Variants in ATP10B observed in about 807,000 individuals in gnomAD.
ATP10B encodes ATPase phospholipid transporting 10B (putative).
A neutral mutation model predicts 141.2 loss-of-function variants in ATP10B; 122 were observed. That is an observed-to-expected ratio of 0.86 (90% CI 0.75 to 1.00). The LOEUF (loss-of-function observed/expected upper bound fraction) is 1.00, where lower values mean the gene tolerates loss of function less well. Among genes scored for constraint, ATP10B ranks in the 50% least tolerant of loss-of-function variants. The pLI is 0.00. For missense variants in ATP10B, 1,876 were observed against 1,825.3 expected (o/e 1.03, Z -0.51); for synonymous variants, 685 against 692.0 (o/e 0.99, Z 0.16).
At chr5:160,624,927 T>C (rs7725004) in intron 13 of ATP10B, among the ~76,000 whole-genome samples, 121,439 of 152,182 alleles carry the variant, frequency 0.8, 48,644 homozygotes, top group East Asian at 0.84. Flanking sequence ...AGGGACCATC[T>C]AGTGTTTGTC....
At chr5:160,844,133 G>T (rs1212068549) in intron 1 of ATP10B, among the ~76,000 whole-genome samples, 3 of 152,100 alleles carry the variant, frequency 2.0e-5, no homozygotes, top group Non-Finnish European at 4.4e-5. Context: ...AATTAATTTA[G>T]AAAACTGTTT....
Position 160,743,376 on chromosome 5 carries a change from A to G in ATP10B, c.-330-26342T>C, listed in dbSNP as rs535580244. Among the ~76,000 whole-genome samples the G allele has an allele frequency of 2.6e-5, 4 of 152,314 alleles. No homozygotes were observed. In the South Asian group the frequency reaches 8.3e-4, roughly 32 times the overall value. On this transcript the variant is annotated intron_variant, in intron 2 of 25. Transcript: ENST00000327245. ...AAAAATATAAAGTAAAAAATAAATCATGCCTCTTGAGAAGAGAAAACCTGT... is the reference window on the plus strand; with the variant it reads ...AAAAATATAAAGTAAAAAATAAATCGTGCCTCTTGAGAAGAGAAAACCTGT...
chr5:160,862,424 C>T, the ATP10B span, among the ~76,000 whole-genome samples: 1 of 151,922 alleles, frequency 6.6e-6, no homozygotes, highest in Non-Finnish European at 1.5e-5. Context: ...CTTACCTGGC[C>T]AGTCTCCATA....
chr5:160,900,908 GTTT>G, the ATP10B span, among the ~76,000 whole-genome samples: 29,336 of 88,480 alleles, frequency 0.33, 4,399 homozygotes, highest in East Asian at 0.42. Flanking sequence ...GGGTAGAGAA[GTTT>G]TTTTTTTTTT....
intron 1 of ATP10B, among the ~76,000 whole-genome samples, chr5:160,816,951 AGC>A (rs1207344442): frequency 1.8e-3 from 275 of 152,338 alleles, no homozygotes; most frequent in African/African-American, 6.4e-3. Flanking sequence ...AAAATTCAAC[AGC>A]ACTTCATGCT....
At chr5:160,619,101 G>A (rs183698058) in intron 15 of ATP10B, among the ~76,000 whole-genome samples, 8 of 151,942 alleles carry the variant, frequency 5.3e-5, no homozygotes, top group Admixed American at 2.6e-4. Flanking sequence ...TTTGTGCATC[G>A]CCTGATTCGG....
intron 17 of ATP10B, chr5:160,613,805 G>GAAT (rs1321158644): frequency 8.5e-5 from 13 of 152,166 alleles, no homozygotes; most frequent in South Asian, 2.1e-4. Context: ...TCCAAATATT[G>GAAT]AATAGTTGCT....
At chr5:160,823,216 G>A (rs1054663087) in intron 1 of ATP10B, among the ~76,000 whole-genome samples, 2 of 151,372 alleles carry the variant, frequency 1.3e-5, no homozygotes, top group Admixed American at 6.6e-5. Flanking sequence ...GCCATAAAAA[G>A]GAATGAAATC....
chr5:160,914,118 C>A, the ATP10B span, among the ~76,000 whole-genome samples: 1 of 152,134 alleles, frequency 6.6e-6, no homozygotes, highest in South Asian at 2.1e-4. Context: ...TATATGTCTA[C>A]ATATGTGTGT....
At chr5:160,869,341 T>A in the ATP10B span, among the ~76,000 whole-genome samples, 1 of 152,052 alleles carries the variant, frequency 6.6e-6, no homozygotes, top group African/African-American at 2.4e-5. Flanking sequence ...CTGTCATATA[T>A]CACCCCTACC....
At chr5:160,878,782 G>A in the ATP10B span, among the ~76,000 whole-genome samples, 3 of 151,494 alleles carry the variant, frequency 2.0e-5, no homozygotes, top group South Asian at 4.2e-4. Flanking sequence ...AACACATGAA[G>A]AAATGCTCAT....
At chr5:160,788,954 A>G (rs1375889060) in intron 1 of ATP10B, among the ~76,000 whole-genome samples, 1 of 152,210 alleles carries the variant, frequency 6.6e-6, no homozygotes, top group Non-Finnish European at 1.5e-5. Flanking sequence ...GATACATACA[A>G]AGATGGCTTA....
chr5:160,873,167 C>A, the ATP10B span, among the ~76,000 whole-genome samples: 1 of 141,616 alleles, frequency 7.1e-6, no homozygotes, highest in Non-Finnish European at 1.5e-5. Context: ...AGTTCTTGAT[C>A]TGATTCTCTG....
intron 5 of ATP10B, among the ~76,000 whole-genome samples, chr5:160,686,653 C>T (rs1026783889): frequency 1.3e-5 from 2 of 152,124 alleles, no homozygotes; most frequent in African/African-American, 4.8e-5. Flanking sequence ...GATGATTATT[C>T]TCAGGAATGG....
At chr5:160,790,452 G>A (rs565577889) in intron 1 of ATP10B, among the ~76,000 whole-genome samples, 1 of 152,136 alleles carries the variant, frequency 6.6e-6, no homozygotes, top group Non-Finnish European at 1.5e-5. Flanking sequence ...ACCAAATTCT[G>A]CCTTAAACCT....
At chr5:160,828,763 T>C (rs887739063) in intron 1 of ATP10B, among the ~76,000 whole-genome samples, 8 of 151,788 alleles carry the variant, frequency 5.3e-5, no homozygotes, top group Non-Finnish European at 8.8e-5. Context: ...CACACGTATG[T>C]TTATTGCGGC....
chr5:160,687,610 C>A (rs988815824), intron 5 of ATP10B, among the ~76,000 whole-genome samples, 190 bp downstream of exon 5: 5 of 152,006 alleles, frequency 3.3e-5, no homozygotes, highest in African/African-American at 1.2e-4. Flanking sequence ...CATAAAAGTA[C>A]AAAAATTTGC....
intron 24 of ATP10B, among the ~76,000 whole-genome samples, chr5:160,578,487 A>G (rs1427173408): frequency 6.6e-6 from 1 of 152,160 alleles, no homozygotes; most frequent in Non-Finnish European, 1.5e-5. Context: ...GATGGTTTCC[A>G]GCTTCATCCA....
the ATP10B span, among the ~76,000 whole-genome samples, chr5:160,872,762 G>C: frequency 2.0e-5 from 3 of 152,174 alleles, no homozygotes; most frequent in African/African-American, 7.2e-5. Flanking sequence ...GTATTATGCT[G>C]TTTTGGTGAC....
Sources: gnomAD v4.1 joint callset for allele counts (sites outside exome capture counted in the v4.1 genomes callset) on GRCh38, gnomAD v4.1.1 for gene constraint, MANE v1.5 for transcripts, NCBI Gene and HGNC (gene_info 2026-07-23, HGNC 2026-07-21) for gene names.